The following AAK1 variants were observed in gnomAD, a reference collection of about 807,000 sequenced individuals.
The protein encoded by AAK1 is AP2 associated kinase 1, also known as AP2-associated protein kinase 1.
A neutral mutation model predicts 116.0 loss-of-function variants in AAK1; 37 were observed. The ratio of observed to expected loss-of-function variants is 0.32; its 90% confidence interval spans 0.25 to 0.42. The LOEUF (loss-of-function observed/expected upper bound fraction) is 0.42. AAK1 is among the 10% of genes least tolerant of loss of function. AAK1 has a pLI of 1.00. For synonymous variants in AAK1, 458 were observed against 439.9 expected, an observed-to-expected ratio of 1.04 and a Z score of -0.51; for missense variants, 919 against 1,170.6, an observed-to-expected ratio of 0.79 and a Z score of 3.14.
intron 17 of AAK1, among the ~76,000 whole-genome samples, chr2:69,490,571 T>C (rs1675481598): frequency 1.3e-5 from 2 of 151,980 alleles, no homozygotes; most frequent in South Asian, 4.2e-4. Context: ...AAAGGACAAA[T>C]ACTGTATGAT....
intron 12 of AAK1, among the ~76,000 whole-genome samples, chr2:69,515,583 C>A (rs948672722): frequency 1.3e-5 from 2 of 152,160 alleles, no homozygotes; most frequent in Non-Finnish European, 2.9e-5. Flanking sequence ...CCCGCTTCGG[C>A]CTCTGAAGAT....
chr2:69,623,488 CAA>C (rs1004132180), intron 2 of AAK1, among the ~76,000 whole-genome samples: 8 of 152,170 alleles, frequency 5.3e-5, no homozygotes, highest in Non-Finnish European at 1.2e-4. Context: ...AAATCTAACT[CAA>C]GTGCTTTTCT....
chr2:69,584,075 C>T (rs1030920536), intron 2 of AAK1, among the ~76,000 whole-genome samples: 2 of 152,224 alleles, frequency 1.3e-5, no homozygotes, highest in African/African-American at 4.8e-5. Context: ...TGGGGAACAT[C>T]TGCTTAGGAG....
chr2:69,474,201 G>A lies in AAK1; in HGVS notation c.*1668C>T, dbSNP rs536399888. 2 of 985,790 alleles carry A rather than the reference G, an allele frequency of 2.0e-6. No individual in the cohort carries two copies. Among genetic ancestry groups the A allele is most frequent in the East Asian group, 2.3e-4 (2 of 8,810 alleles). The allele number at this position is 985,790 out of a possible 1,614,324, so 61.1% of individuals were successfully genotyped here. A position where few individuals can be genotyped will look rare whatever the true frequency, so the allele number is the denominator to read the frequency against. On this transcript the variant is annotated 3_prime_UTR_variant, in exon 22 of 22. Coordinates refer to ENST00000409085, the MANE Select transcript of AAK1 (RefSeq NM_014911.5). The stretch of plus-strand genomic sequence containing the variant: ...CTGTTAAACTTTTTTCCCCCATAAA[G>A]TGCAAATGTGAGGAAGAAGAAACAA...
intron 19 of AAK1, among the ~76,000 whole-genome samples, chr2:69,480,374 A>G (rs921070002): frequency 1.3e-5 from 2 of 152,248 alleles, no homozygotes; most frequent in African/African-American, 4.8e-5. Context: ...TCTAGGGAAG[A>G]CTTCAACTTT....
intron 2 of AAK1, among the ~76,000 whole-genome samples, chr2:69,577,801 C>T (rs1429011052): frequency 6.6e-6 from 1 of 152,060 alleles, no homozygotes; most frequent in African/African-American, 2.4e-5. Context: ...AGGAGGGACT[C>T]AGACCAAGAG....
chr2:69,540,486 A>G (rs935141670), intron 5 of AAK1, among the ~76,000 whole-genome samples: 6 of 152,214 alleles, frequency 3.9e-5, no homozygotes, highest in Non-Finnish European at 8.8e-5. Context: ...ACAGAAAGCT[A>G]TCTAAGCCTT....
intron 2 of AAK1, among the ~76,000 whole-genome samples, chr2:69,632,991 C>CCA (rs1272703933): frequency 1.3e-4 from 19 of 151,512 alleles, no homozygotes. Context: ...CAAGATCAGG[C>CCA]CACTGCACTA....
chr2:69,617,944 A>G (rs886666809), intron 2 of AAK1, among the ~76,000 whole-genome samples: 5 of 152,234 alleles, frequency 3.3e-5, no homozygotes, highest in Non-Finnish European at 7.3e-5. Flanking sequence ...CTGCTGAGCA[A>G]AGATTCAGGG....
chr2:69,474,718 C>G lies in AAK1; in HGVS notation c.*1151G>C. 2.0e-6 allele frequency: 2 copies of G among 985,684 alleles called. No individual in the cohort carries two copies. The highest frequency in any genetic ancestry group is 9.4e-5 in the South Asian group (2 of 21,278). 61.1% of individuals were successfully genotyped at this position (985,684 alleles called of 1,614,324 possible). The stretch of plus-strand genomic sequence containing the variant: ...ACATGCTTATTCTAGAGACAGAGGA[C>G]CTGCTGAAAGCTTATAGCACACAAG... On this transcript the variant is annotated 3_prime_UTR_variant, in exon 22 of 22. Transcript: ENST00000409085.
intron 2 of AAK1, among the ~76,000 whole-genome samples, chr2:69,572,947 G>A (rs770045205): frequency 2.6e-5 from 4 of 152,206 alleles, no homozygotes; most frequent in Non-Finnish European, 5.9e-5. Flanking sequence ...CAGCGATGCA[G>A]TAAGCTCCAG....
chr2:69,504,109 A>G (rs2104955146), intron 16 of AAK1, among the ~76,000 whole-genome samples: 1 of 152,250 alleles, frequency 6.6e-6, no homozygotes. Flanking sequence ...ATAAAGATGC[A>G]TATCAGGTTG....
chr2:69,539,032 C>G (rs1670593938), intron 5 of AAK1, among the ~76,000 whole-genome samples: 2 of 152,190 alleles, frequency 1.3e-5, no homozygotes, highest in Non-Finnish European at 2.9e-5. Flanking sequence ...GGATGTGCGC[C>G]TAGAGATTGA....
chr2:69,489,450 CA>C (rs70954346), intron 17 of AAK1, among the ~76,000 whole-genome samples: 83 of 119,314 alleles, frequency 7.0e-4, no homozygotes, highest in Non-Finnish European at 7.6e-4. Flanking sequence ...GACTCCGTCT[CA>C]AAAAAAAAAA....
Position 69,472,599 on chromosome 2 carries a change from C to T in AAK1, c.*3270G>A, listed in dbSNP as rs899643377. On this transcript the variant is annotated 3_prime_UTR_variant, in exon 22 of 22. Transcript: ENST00000409085. Reference sequence around the variant, plus strand: ...CATACTTAGAAGTGTCCACTTAAGCCTTATCTCCTCTGAGGTATGTATTTT... The same window carrying T: ...CATACTTAGAAGTGTCCACTTAAGCTTTATCTCCTCTGAGGTATGTATTTT... 3.5e-5 allele frequency: 34 copies of T among 984,236 alleles called. No homozygotes were observed. The highest frequency in any genetic ancestry group is 3.9e-5 in the Non-Finnish European group (32 of 829,050). The allele number at this position is 984,236 out of a possible 1,614,324, so 61.0% of individuals were successfully genotyped here. A position where few individuals can be genotyped will look rare whatever the true frequency, so the allele number is the denominator to read the frequency against.
intron 2 of AAK1, among the ~76,000 whole-genome samples, chr2:69,571,801 G>C (rs1672102931): frequency 1.3e-5 from 2 of 152,122 alleles, no homozygotes; most frequent in Non-Finnish European, 2.9e-5. Flanking sequence ...AAGTGGACAG[G>C]GGTACATGGC....
At chr2:69,606,585 G>A (rs1394289425) in intron 2 of AAK1, among the ~76,000 whole-genome samples, 5 of 152,142 alleles carry the variant, frequency 3.3e-5, no homozygotes, top group African/African-American at 9.7e-5. Context: ...TCCTGCTGCC[G>A]CTGAATGACA....
In AAK1 at chr2:69,484,495, T is replaced by TA. The variant is rs1322898521; in HGVS notation, c.2366-1684dup. Reference sequence around the variant, plus strand: ...TATCTCATTTATACCTCGTTTATATTAAAAAAAGGAAGGACGGCTGGGTGC... The same window carrying TA: ...TATCTCATTTATACCTCGTTTATATTAAAAAAAAGGAAGGACGGCTGGGTGC... On this transcript the variant is annotated intron_variant, in intron 17 of 21. Coordinates refer to ENST00000409085, the MANE Select transcript of AAK1 (RefSeq NM_014911.5). 5.9e-5 allele frequency among the ~76,000 whole-genome samples: 9 copies of TA among 152,210 alleles called. No individual in the cohort carries two copies. The East Asian group carries it at 9.6e-4, about 16-fold the overall frequency.
chr2:69,616,154 C>T (rs1674319398), intron 2 of AAK1, among the ~76,000 whole-genome samples: 1 of 152,160 alleles, frequency 6.6e-6, no homozygotes, highest in South Asian at 2.1e-4. Context: ...GGTTGCACAA[C>T]ATTATGTTTA....
Sources: allele counts gnomAD v4.1 joint callset (sites outside exome capture counted in the v4.1 genomes callset), GRCh38; gene constraint gnomAD v4.1.1; transcripts MANE v1.5; gene names NCBI Gene and HGNC (gene_info 2026-07-23, HGNC 2026-07-21).